The following RPN1 variants were observed in gnomAD, a reference collection of about 807,000 sequenced individuals.
RPN1 encodes ribophorin I, also known as dolichyl-diphosphooligosaccharide--protein glycosyltransferase subunit 1.
RPN1 carries 12 observed loss-of-function variants against 55.5 expected under a neutral mutation model. The observed-to-expected ratio is 0.22, with a 90% confidence interval of 0.14 to 0.35. The LOEUF (loss-of-function observed/expected upper bound fraction) is 0.35. RPN1 is among the 10% of genes least tolerant of loss of function. RPN1 has a pLI of 1.00. For missense variants in RPN1, 679 were observed against 761.3 expected, an observed-to-expected ratio of 0.89 and a Z score of 1.27; for synonymous variants, 317 against 305.9, an observed-to-expected ratio of 1.04 and a Z score of -0.38.
chr3:128,623,239 T>C (rs2069573377), intron 8 of RPN1, among the ~76,000 whole-genome samples: 1 of 151,944 alleles, frequency 6.6e-6, no homozygotes, highest in Admixed American at 6.6e-5. Flanking sequence ...ACTCCGTCTC[T>C]ACAAAAAAAT....
Position 128,622,359 on chromosome 3 carries a change from G to A in RPN1, c.1446C>T (p.Val482=), listed in dbSNP as rs754887282. 1.9e-6 allele frequency: 3 copies of A among 1,614,086 alleles called. No homozygotes were observed. In the South Asian group the frequency reaches 3.3e-5, roughly 18 times the overall value. The change falls in exon 9 of 10, where the codon GTC becomes GTT. Residue 482 remains valine (V), a synonymous_variant. Coordinates refer to ENST00000296255, the MANE Select transcript of RPN1 (RefSeq NM_002950.4). ...CTATTCTCTTGTTGACCAGGGTCAA[G>A]ACCTGCTCTGTGATGCAGGCTACCT... ...RMKVACITEQ[V]LTLVNKRIGL... is the part of the protein sequence containing the mutation.
At chr3:128,646,960 G>A (rs530376050) in intron 1 of RPN1, among the ~76,000 whole-genome samples, 7 of 151,464 alleles carry the variant, frequency 4.6e-5, no homozygotes, top group Non-Finnish European at 8.8e-5. Context: ...GCAACAGAGT[G>A]GGACTTCCTC....
intron 5 of RPN1, among the ~76,000 whole-genome samples, chr3:128,628,990 T>G (rs983553016): frequency 1.3e-5 from 2 of 151,886 alleles, no homozygotes; most frequent in African/African-American, 2.4e-5. Flanking sequence ...ATAAGGCAAA[T>G]TGAATAGATT....
At chr3:128,632,665 G>A (rs540308296) in intron 3 of RPN1, among the ~76,000 whole-genome samples, 2 of 151,972 alleles carry the variant, frequency 1.3e-5, no homozygotes, top group Admixed American at 1.3e-4. Flanking sequence ...TACAACCTCA[G>A]CTCACTGCAA....
At chr3:128,625,247 G>A (rs2069590122) in intron 8 of RPN1, among the ~76,000 whole-genome samples, 1 of 152,074 alleles carries the variant, frequency 6.6e-6, no homozygotes, top group Non-Finnish European at 1.5e-5. Context: ...ATAACAAGAA[G>A]CAAAACAGCT....
intron 2 of RPN1, among the ~76,000 whole-genome samples, chr3:128,638,865 T>C (rs748793316): frequency 5.3e-5 from 8 of 150,772 alleles, no homozygotes; most frequent in Non-Finnish European, 8.9e-5. Context: ...ACTTGAGAGG[T>C]TGAAGTGGGA....
intron 8 of RPN1, among the ~76,000 whole-genome samples, chr3:128,624,872 C>T (rs747233764): frequency 7.2e-5 from 11 of 152,156 alleles, no homozygotes; most frequent in Admixed American, 3.3e-4. Flanking sequence ...CATCACATTC[C>T]ACAGTCCTCA....
rs562484459 is a variant in RPN1, at chr3:128,634,147, G to A, written c.634-1990C>T. On this transcript the variant is annotated intron_variant, in intron 3 of 9. Coordinates refer to ENST00000296255, the MANE Select transcript of RPN1 (RefSeq NM_002950.4). ...TTGAGACCAGCCTGGCCAACATGGT[G>A]AAACCCTGTCTCTAACAAAAAATAC... Among the ~76,000 whole-genome samples, 9 of 152,100 alleles carry A rather than the reference G, an allele frequency of 5.9e-5. No individual in the cohort carries two copies. The South Asian group carries it at 1.9e-3, about 32-fold the overall frequency.
rs111781915 is a variant in RPN1, at chr3:128,637,856, C to T, written c.576G>A (p.Thr192=). ...CATAATCCAGTAGGTCCTCAGAGCG[C>T]GTGGGGTTCCCCAGCTTGGTGTAGC... ...VESYTKLGNP[T]RSEDLLDYGP... is the part of the protein sequence containing the mutation. Residue 192 remains threonine (T), a synonymous_variant, in exon 3 of 10, where the codon ACG becomes ACA. Transcript: ENST00000296255. The T allele has an allele frequency of 7.2e-4, 1,162 of 1,613,960 alleles. 10 individuals carry two copies. In the African/African-American group the frequency reaches 0.014, roughly 19 times the overall value.
intron 6 of RPN1, 40 bp from the exon 7 acceptor site, chr3:128,626,052 T>A: frequency 6.4e-7 from 1 of 1,553,314 alleles, no homozygotes; most frequent in South Asian, 1.2e-5. Flanking sequence ...TCCAACCAAC[T>A]ACATCAATAA....
chr3:128,624,817 A>G (rs542224104), intron 8 of RPN1, among the ~76,000 whole-genome samples: 9 of 152,218 alleles, frequency 5.9e-5, no homozygotes, highest in South Asian at 4.1e-4. Flanking sequence ...GCATGGCAAC[A>G]GAGCGAGACT....
rs2069596589 is a variant in RPN1, at chr3:128,625,937, A to C, written c.1212T>G (p.Phe404Leu). 9.3e-6 allele frequency: 15 copies of C among 1,614,042 alleles called. No individual in the cohort carries two copies. Among genetic ancestry groups the C allele is most frequent in the Non-Finnish European group, 1.3e-5 (15 of 1,179,930 alleles). Residue 404 changes from phenylalanine (F) to leucine (L), a missense_variant, in exon 7 of 10, where the codon TTT becomes TTG. By Grantham distance (22) the Phe-to-Leu change is conservative. Coordinates refer to ENST00000296255, the MANE Select transcript of RPN1 (RefSeq NM_002950.4). ...TGTAGGCAACAATCACAGGGCGGCC[A>C]AATGTGTCCAGATAGGTGTAGTGCA... ...DELHYTYLDT[F>L]GRPVIVAYKK...
At chr3:128,635,644 T>C (rs78982194) in intron 3 of RPN1, among the ~76,000 whole-genome samples, 14 of 76,352 alleles carry the variant, frequency 1.8e-4, no homozygotes, top group African/African-American at 7.2e-4. Flanking sequence ...TATATAGATA[T>C]ATATATATAT....
intron 3 of RPN1, among the ~76,000 whole-genome samples, chr3:128,636,913 G>T (rs939296108): frequency 6.6e-6 from 1 of 152,122 alleles, no homozygotes; most frequent in Non-Finnish European, 1.5e-5. Flanking sequence ...TAGGTAAAAA[G>T]ACATGACTGC....
intron 5 of RPN1, 51 bp downstream of exon 5, chr3:128,629,900 T>G: frequency 1.1e-6 from 1 of 892,338 alleles, no homozygotes; most frequent in South Asian, 2.0e-5. Flanking sequence ...AAGAAAAAAA[T>G]TCACGAAATT....
At chr3:128,626,871 C>G in intron 5 of RPN1, 39 bp from the exon 6 acceptor site, 2 of 1,569,724 alleles carry the variant, frequency 1.3e-6, no homozygotes, top group Non-Finnish European at 1.8e-6. Context: ...ATGTGGAAAA[C>G]GGATCAAATG....
At chr3:128,640,493 T>C (rs1397104252) in intron 2 of RPN1, among the ~76,000 whole-genome samples, 1 of 152,178 alleles carries the variant, frequency 6.6e-6, no homozygotes, top group Non-Finnish European at 1.5e-5. Flanking sequence ...CTTAACCAAT[T>C]CTTAGTTTCA....
chr3:128,648,693 G>C (rs901961228), intron 1 of RPN1, among the ~76,000 whole-genome samples: 1 of 152,178 alleles, frequency 6.6e-6, no homozygotes, highest in Non-Finnish European at 1.5e-5. Context: ...TGGGATAGGA[G>C]TACAAAATAG....
intron 5 of RPN1, among the ~76,000 whole-genome samples, chr3:128,628,426 C>G (rs796330785): frequency 9.1e-3 from 1,106 of 121,390 alleles, no homozygotes; most frequent in Middle Eastern, 0.017. Flanking sequence ...AATGCTTTAA[C>G]ATAAATGCAA....
Sources: allele counts gnomAD v4.1 joint callset (sites outside exome capture counted in the v4.1 genomes callset), GRCh38; gene constraint gnomAD v4.1.1; transcripts MANE v1.5; gene names NCBI Gene and HGNC (gene_info 2026-07-23, HGNC 2026-07-21).